The following SLC35F3 variants were observed in gnomAD, a reference collection of about 807,000 sequenced individuals.
The protein encoded by SLC35F3 is putative thiamine transporter SLC35F3.
Under a neutral mutation model 49.9 loss-of-function variants are expected in SLC35F3, and 25 were observed. The observed-to-expected ratio is 0.50, with a 90% CI of 0.37 to 0.70. The LOEUF (loss-of-function observed/expected upper bound fraction) is 0.70, where lower values mean the gene tolerates loss of function less well. Among genes scored for constraint, SLC35F3 ranks in the 30% least tolerant of loss-of-function variants. The pLI is 0.00. For missense variants in SLC35F3, 525 were observed against 639.8 expected (o/e 0.82, Z 1.94); for synonymous variants, 275 against 265.4 (o/e 1.04, Z -0.35).
chr1:234,083,494 CA>C (rs1367279416), intron 2 of SLC35F3, among the ~76,000 whole-genome samples: 6 of 152,208 alleles, frequency 3.9e-5, no homozygotes, highest in African/African-American at 1.4e-4. Context: ...ACATCATACA[CA>C]ATCTCTGCAC....
intron 2 of SLC35F3, among the ~76,000 whole-genome samples, chr1:233,938,461 G>C (rs569092276): frequency 6.6e-6 from 1 of 152,164 alleles, no homozygotes; most frequent in Admixed American, 6.5e-5. Flanking sequence ...GCCTTCTGAC[G>C]TTGTACACAG....
intron 2 of SLC35F3, among the ~76,000 whole-genome samples, chr1:234,196,016 G>A (rs1666804943): frequency 6.6e-6 from 1 of 151,998 alleles, no homozygotes; most frequent in South Asian, 2.1e-4. Flanking sequence ...CCCAGTCTTG[G>A]GTATGTTTTT....
At chr1:234,028,927 G>A (rs1046234825) in intron 2 of SLC35F3, among the ~76,000 whole-genome samples, 1 of 152,172 alleles carries the variant, frequency 6.6e-6, no homozygotes, top group African/African-American at 2.4e-5. Context: ...TTAGAAGCAA[G>A]CACGATGATT....
chr1:234,122,864 A>G (rs923052033), intron 2 of SLC35F3, among the ~76,000 whole-genome samples: 3 of 152,204 alleles, frequency 2.0e-5, no homozygotes, highest in African/African-American at 7.2e-5. Context: ...TATGCAGTCT[A>G]TCATTGATGG....
chr1:234,321,525 C>T (rs1037599126), intron 7 of SLC35F3, among the ~76,000 whole-genome samples: 1 of 152,216 alleles, frequency 6.6e-6, no homozygotes, highest in African/African-American at 2.4e-5. Context: ...CACCGTCCTC[C>T]CCCTACATTC....
chr1:233,906,005 A>ATC (rs1661770699), intron 2 of SLC35F3, among the ~76,000 whole-genome samples: 1 of 152,226 alleles, frequency 6.6e-6, no homozygotes, highest in Admixed American at 6.5e-5. Flanking sequence ...CTGTATCCTT[A>ATC]TCTCTCCACT....
intron 2 of SLC35F3, among the ~76,000 whole-genome samples, chr1:233,926,323 T>C (rs1276984636): frequency 1.3e-5 from 2 of 152,184 alleles, no homozygotes; most frequent in African/African-American, 4.8e-5. Flanking sequence ...TTGGCGGCTT[T>C]ATTCGTTTCT....
At chr1:234,166,858 A>G (rs377704941) in intron 2 of SLC35F3, among the ~76,000 whole-genome samples, 1 of 152,222 alleles carries the variant, frequency 6.6e-6, no homozygotes, top group Non-Finnish European at 1.5e-5. Context: ...CTTCAGTAGC[A>G]GTTTCATGGG....
At chr1:234,156,991 T>A (rs1666163717) in intron 2 of SLC35F3, among the ~76,000 whole-genome samples, 1 of 152,104 alleles carries the variant, frequency 6.6e-6, no homozygotes, top group Admixed American at 6.5e-5. Context: ...TGCTAACGGG[T>A]ACAGAGATTT....
intron 2 of SLC35F3, among the ~76,000 whole-genome samples, chr1:234,137,050 G>A (rs1337501942): frequency 1.3e-5 from 2 of 152,188 alleles, no homozygotes; most frequent in Admixed American, 1.3e-4. Flanking sequence ...AGTAGACATG[G>A]CTCCAGCTTT....
chr1:234,123,732 A>G (rs1040048221), intron 2 of SLC35F3, among the ~76,000 whole-genome samples: 3 of 152,064 alleles, frequency 2.0e-5, no homozygotes, highest in Admixed American at 2.0e-4. Flanking sequence ...ATTGATTTCT[A>G]ATCCAACACT....
intron 2 of SLC35F3, among the ~76,000 whole-genome samples, chr1:234,146,371 A>G (rs1445151126): frequency 6.6e-6 from 1 of 151,320 alleles, no homozygotes; most frequent in Non-Finnish European, 1.5e-5. Context: ...CTTCATTTCC[A>G]TGATATTACT....
At chr1:233,920,562 C>T (rs933292103) in intron 2 of SLC35F3, among the ~76,000 whole-genome samples, 11 of 152,218 alleles carry the variant, frequency 7.2e-5, no homozygotes, top group African/African-American at 2.4e-4. Context: ...AAGGTGAGCA[C>T]CAGGTACCCC....
intron 2 of SLC35F3, among the ~76,000 whole-genome samples, chr1:234,197,186 G>T (rs181748840): frequency 6.6e-6 from 1 of 152,166 alleles, no homozygotes. Context: ...GCTAACTGGT[G>T]CATATCAAAG....
At chr1:233,969,107 C>T (rs1041680076) in intron 2 of SLC35F3, among the ~76,000 whole-genome samples, 4 of 151,778 alleles carry the variant, frequency 2.6e-5, no homozygotes, top group African/African-American at 9.7e-5. Context: ...ATACACATTT[C>T]AGCCAAGCAA....
At chr1:233,993,791 T>A (rs1335269019) in intron 2 of SLC35F3, among the ~76,000 whole-genome samples, 1 of 152,214 alleles carries the variant, frequency 6.6e-6, no homozygotes, top group Non-Finnish European at 1.5e-5. Flanking sequence ...GGTGACTCTG[T>A]ATCTGTTCTC....
chr1:234,149,761 G>GTGAC (rs1283941624), intron 2 of SLC35F3, among the ~76,000 whole-genome samples: 24 of 152,282 alleles, frequency 1.6e-4, no homozygotes, highest in African/African-American at 5.3e-4. Flanking sequence ...TGCTTTTCTT[G>GTGAC]TGACTACATA....
chr1:234,075,238 A>G (rs1664775552), intron 2 of SLC35F3, among the ~76,000 whole-genome samples: 1 of 152,218 alleles, frequency 6.6e-6, no homozygotes. Context: ...ACCTTGGGTG[A>G]AGAAACATCT....
intron 2 of SLC35F3, among the ~76,000 whole-genome samples, chr1:233,980,513 A>G (rs1663165837): frequency 6.6e-6 from 1 of 152,204 alleles, no homozygotes; most frequent in Admixed American, 6.5e-5. Flanking sequence ...GAGCATGCTC[A>G]GGGTTATTGC....
Sources: allele counts gnomAD v4.1 joint callset (sites outside exome capture counted in the v4.1 genomes callset), GRCh38; gene constraint gnomAD v4.1.1; transcripts MANE v1.5; gene names NCBI Gene and HGNC (gene_info 2026-07-23, HGNC 2026-07-21).